IDH3A: variants seen among roughly 807,000 people sequenced by gnomAD.
IDH3A encodes the protein isocitrate dehydrogenase (NAD(+)) 3 catalytic subunit alpha, also known as isocitrate dehydrogenase [NAD] subunit alpha, mitochondrial.
IDH3A carries 23 observed loss-of-function variants against 43.3 expected under a neutral mutation model. The observed-to-expected ratio is 0.53, with a 90% CI of 0.38 to 0.75. The LOEUF (loss-of-function observed/expected upper bound fraction) is 0.75. IDH3A is among the 30% of genes least tolerant of loss of function. IDH3A has a pLI of 0.00. For missense variants in IDH3A, 329 were observed against 474.4 expected (o/e 0.69, Z 2.85); for synonymous variants, 154 against 163.5 (o/e 0.94, Z 0.44).
In IDH3A at chr15:78,166,206, C is replaced by T; in HGVS notation, c.921C>T (p.Leu307=). 1 of 1,614,096 alleles carries T rather than the reference C, an allele frequency of 6.2e-7. No individual in the cohort carries two copies. Among genetic ancestry groups the T allele is most frequent in the Non-Finnish European group, 8.5e-7 (1 of 1,179,940 alleles). Residue 307 remains leucine, a synonymous_variant, in exon 10 of 11, where the codon CTC becomes CTT. Transcript: ENST00000299518. ...AGGACATGGCGAATCCCACAGCCCT[C>T]CTGCTCAGTGCCGTGATGATGCTGC... is the stretch of plus-strand genomic sequence containing the variant. ...AGKDMANPTA[L]LLSAVMMLRH...
At chr15:78,167,284 G>A (rs923739022) in intron 10 of IDH3A, among the ~76,000 whole-genome samples, 6 of 152,152 alleles carry the variant, frequency 3.9e-5, no homozygotes. Flanking sequence ...AGGAAACTGA[G>A]GTACAGAGAG....
chr15:78,152,417 A>G (rs1406312562), intron 1 of IDH3A, among the ~76,000 whole-genome samples: 5 of 136,684 alleles, frequency 3.7e-5, no homozygotes, highest in African/African-American at 1.4e-4. Flanking sequence ...CTAGAGTGCA[A>G]TGGCGCGATC....
At chr15:78,150,472 G>C (rs891268147) in intron 1 of IDH3A, among the ~76,000 whole-genome samples, 4 of 152,178 alleles carry the variant, frequency 2.6e-5, no homozygotes, top group Non-Finnish European at 5.9e-5. Flanking sequence ...TCGGTTTAAA[G>C]AGAGGTCCAG....
At chr15:78,155,305 C>A in intron 2 of IDH3A, 30 bp downstream of exon 2, 1 of 1,476,726 alleles carries the variant, frequency 6.8e-7, no homozygotes, top group Non-Finnish European at 9.4e-7. Flanking sequence ...TTATTTTTTC[C>A]TTTTAGAAGT....
At chr15:78,155,846 C>G (rs1222606572) in intron 2 of IDH3A, 1 of 152,352 alleles carries the variant, frequency 6.6e-6, no homozygotes, top group Non-Finnish European at 1.5e-5. Flanking sequence ...AAGCTGATAC[C>G]ACATTTTTGG....
chr15:78,150,207 T>TG (rs1259722576), intron 1 of IDH3A, among the ~76,000 whole-genome samples: 2 of 152,198 alleles, frequency 1.3e-5, no homozygotes, highest in African/African-American at 4.8e-5. Flanking sequence ...AGATCATCTA[T>TG]GCAGTTCCGT....
chr15:78,163,919 C>T lies in IDH3A; in HGVS notation c.779+139C>T, dbSNP rs942423484. ...ACATATGAATTGAATTCTAACAGTT[C>T]AGGTTGTGATATGAATGATTACATG... On this transcript the variant is annotated intron_variant, in intron 8 of 10. Coordinates refer to ENST00000299518, the MANE Select transcript of IDH3A (RefSeq NM_005530.3). 51 of 632,418 alleles carry T rather than the reference C, an allele frequency of 8.1e-5. No individual in the cohort carries two copies. The Admixed American group carries it at 1.3e-3, about 16-fold the overall frequency. The allele number at this position is 632,418 out of a possible 1,614,324, so 39.2% of individuals were successfully genotyped here.
At chr15:78,153,540 T>C (rs2074597288) in intron 1 of IDH3A, among the ~76,000 whole-genome samples, 1 of 152,202 alleles carries the variant, frequency 6.6e-6, no homozygotes, top group Admixed American at 6.5e-5. Flanking sequence ...TTATTTTCAA[T>C]GCAGAGTCAT....
intron 8 of IDH3A, 152 bp downstream of exon 8, chr15:78,163,932 G>A: frequency 1.6e-6 from 1 of 609,290 alleles, no homozygotes; most frequent in Non-Finnish European, 2.9e-6. Context: ...GTTGTGATAT[G>A]AATGATTACA....
Position 78,149,429 on chromosome 15 carries a change from AGGTGAGCGCT to A in IDH3A, c.27+2_27+11del, listed in dbSNP as rs2141934694. 1 of 1,545,150 alleles carries A rather than the reference AGGTGAGCGCT, an allele frequency of 6.5e-7. No individual in the cohort carries two copies. Among genetic ancestry groups the A allele is most frequent in the African/African-American group, 1.4e-5 (1 of 70,550 alleles). Reference sequence around the variant, plus strand: ...ATGGCTGGGCCCGCGTGGATCTCTAAGGTGAGCGCTGGCAGGCCGGCGTGTGGCAGGCAGG... The same window carrying A: ...ATGGCTGGGCCCGCGTGGATCTCTAAGGCAGGCCGGCGTGTGGCAGGCAGG... On this transcript the variant is annotated splice_donor_variant and splice_donor_5th_base_variant and coding_sequence_variant and intron_variant, in exon 1 of 11. Coordinates refer to ENST00000299518, the MANE Select transcript of IDH3A (RefSeq NM_005530.3). LOFTEE classifies it high-confidence loss of function.
intron 10 of IDH3A, 173 bp from the exon 11 acceptor site, chr15:78,168,749 C>T (rs1285860734): frequency 1.7e-6 from 1 of 584,266 alleles, no homozygotes; most frequent in Admixed American, 2.8e-5. Flanking sequence ...GATCCCGATC[C>T]TCCTGGGCTG....
intron 10 of IDH3A, 183 bp downstream of exon 10, chr15:78,166,485 T>A: frequency 1.5e-6 from 1 of 650,850 alleles, no homozygotes; most frequent in Non-Finnish European, 2.7e-6. Context: ...GTGCATTTTC[T>A]GAGGTGAGGA....
intron 1 of IDH3A, among the ~76,000 whole-genome samples, chr15:78,150,329 A>G (rs1459660506): frequency 1.3e-5 from 2 of 152,238 alleles, no homozygotes; most frequent in African/African-American, 4.8e-5. Flanking sequence ...CCATTTCCCA[A>G]GGTCACATAG....
At chr15:78,164,472 CT>C (rs1251140470) in intron 8 of IDH3A, among the ~76,000 whole-genome samples, 1 of 152,066 alleles carries the variant, frequency 6.6e-6, no homozygotes, top group African/African-American at 2.4e-5. Context: ...CCTGCCTCCC[CT>C]GAGTAGTTGG....
intron 1 of IDH3A, chr15:78,151,150 T>C (rs1180018165): frequency 6.6e-6 from 1 of 151,996 alleles, no homozygotes; most frequent in East Asian, 1.9e-4. Context: ...TTTGGCAGAG[T>C]CATTTGACTT....
At chr15:78,164,761 C>G (rs1259568830) in intron 8 of IDH3A, among the ~76,000 whole-genome samples, 1 of 152,166 alleles carries the variant, frequency 6.6e-6, no homozygotes, top group Admixed American at 6.5e-5. Context: ...ACCATGTCTT[C>G]TGTGTCCTTT....
chr15:78,152,951 T>C (rs944224640), intron 1 of IDH3A, among the ~76,000 whole-genome samples: 1 of 152,084 alleles, frequency 6.6e-6, no homozygotes, highest in Non-Finnish European at 1.5e-5. Context: ...ATTGAATACC[T>C]TCTATGAGCC....
chr15:78,168,730 A>G (rs2074781328), intron 10 of IDH3A, 192 bp from the exon 11 acceptor site: 1 of 534,916 alleles, frequency 1.9e-6, no homozygotes, highest in Non-Finnish European at 3.4e-6. Context: ...TGTATACACT[A>G]TGAGATTGGA....
chr15:78,163,460 T>C (rs1428964376), intron 6 of IDH3A, 47 bp from the exon 7 acceptor site: 1 of 1,356,592 alleles, frequency 7.4e-7, no homozygotes, highest in East Asian at 2.3e-5. Context: ...GATTCTTTTC[T>C]TTCTGTAAGA....
Sources: gnomAD v4.1 joint callset for allele counts (sites outside exome capture counted in the v4.1 genomes callset) on GRCh38, gnomAD v4.1.1 for gene constraint, MANE v1.5 for transcripts, NCBI Gene and HGNC (gene_info 2026-07-23, HGNC 2026-07-21) for gene names.